CCDC91: variants seen among roughly 807,000 people sequenced by gnomAD.
CCDC91 encodes coiled-coil domain containing 91, also known as coiled-coil domain-containing protein 91.
In CCDC91, 48 loss-of-function variants were observed where a neutral mutation model predicts 63.2. The observed-to-expected ratio is 0.76, with a 90% CI of 0.60 to 0.97. CCDC91 has a LOEUF of 0.97. CCDC91 is among the 50% of genes least tolerant of loss of function. CCDC91 has a pLI of 0.00. For synonymous variants in CCDC91, 167 were observed against 165.8 expected, an observed-to-expected ratio of 1.01 and a Z score of -0.06; for missense variants, 500 against 494.6, an observed-to-expected ratio of 1.01 and a Z score of -0.10.
chr12:28,222,718 T>C (rs1944028113), intron 1 of CCDC91, among the ~76,000 whole-genome samples: 1 of 152,214 alleles, frequency 6.6e-6, no homozygotes, highest in Admixed American at 6.5e-5. Flanking sequence ...TCTAATTTGG[T>C]CATTTTTTAA....
chr12:28,470,409 G>T (rs1369769296), intron 11 of CCDC91, among the ~76,000 whole-genome samples: 1 of 152,054 alleles, frequency 6.6e-6, no homozygotes. Context: ...AGTTAAAATG[G>T]CTTGTATCCA....
At chr12:28,198,665 CTTG>C in intron 1 of CCDC91, among the ~76,000 whole-genome samples, 1 of 152,216 alleles carries the variant, frequency 6.6e-6, no homozygotes. Context: ...AGTTTTATCT[CTTG>C]TTGGTTATGC....
At chr12:28,334,863 G>A (rs183922838) in intron 6 of CCDC91, among the ~76,000 whole-genome samples, 34 of 151,822 alleles carry the variant, frequency 2.2e-4, no homozygotes, top group Admixed American at 1.2e-3. Context: ...ATTAGCATAT[G>A]CCCTAGAGTG....
At chr12:28,200,841 G>T (rs993243024) in intron 1 of CCDC91, among the ~76,000 whole-genome samples, 2 of 151,802 alleles carry the variant, frequency 1.3e-5, no homozygotes, top group Non-Finnish European at 2.9e-5. Flanking sequence ...TCACTTCCCA[G>T]TAGGGGCGGC....
chr12:28,274,818 T>C (rs1380856574), intron 3 of CCDC91, among the ~76,000 whole-genome samples: 2 of 152,130 alleles, frequency 1.3e-5, no homozygotes, highest in East Asian at 1.9e-4. Flanking sequence ...CTTTTCCTAA[T>C]TGAATCCCCT....
chr12:28,467,977 G>C (rs1170441828), intron 11 of CCDC91, among the ~76,000 whole-genome samples: 1 of 151,802 alleles, frequency 6.6e-6, no homozygotes, highest in African/African-American at 2.4e-5. Flanking sequence ...ATAGCTATAA[G>C]TGCCTACATC....
chr12:28,311,671 T>C (rs1174960532), intron 6 of CCDC91, among the ~76,000 whole-genome samples: 1 of 152,108 alleles, frequency 6.6e-6, no homozygotes, highest in East Asian at 1.9e-4. Flanking sequence ...CATTGTTTAC[T>C]GTTGATTAAA....
At chr12:28,506,327 C>T (rs1174734745) in intron 12 of CCDC91, among the ~76,000 whole-genome samples, 1 of 151,862 alleles carries the variant, frequency 6.6e-6, no homozygotes, top group Non-Finnish European at 1.5e-5. Context: ...CTGGCCAGGG[C>T]ACCATTACTA....
chr12:28,385,165 G>T (rs1406880281), intron 7 of CCDC91, among the ~76,000 whole-genome samples: 2 of 152,084 alleles, frequency 1.3e-5, no homozygotes, highest in African/African-American at 2.4e-5. Flanking sequence ...GAAAAAAGAT[G>T]TTTAAATAAT....
intron 12 of CCDC91, among the ~76,000 whole-genome samples, chr12:28,532,227 G>A (rs1190407985): frequency 6.6e-6 from 1 of 151,988 alleles, no homozygotes; most frequent in Non-Finnish European, 1.5e-5. Context: ...AAAGGTGATG[G>A]CCCACAAGGA....
chr12:28,300,688 CATTA>C (rs1937971246), intron 3 of CCDC91, among the ~76,000 whole-genome samples: 1 of 151,470 alleles, frequency 6.6e-6, no homozygotes, highest in Non-Finnish European at 1.5e-5. Context: ...TAAGCCTATA[CATTA>C]ATTAAGAGAG....
At chr12:28,289,632 C>T (rs765715425) in intron 3 of CCDC91, among the ~76,000 whole-genome samples, 2 of 150,184 alleles carry the variant, frequency 1.3e-5, no homozygotes, top group Non-Finnish European at 3.0e-5. Flanking sequence ...TGCCCTGTAG[C>T]GATGAGAAGA....
At chr12:28,503,877 T>G (rs1312640768) in intron 12 of CCDC91, among the ~76,000 whole-genome samples, 1 of 151,816 alleles carries the variant, frequency 6.6e-6, no homozygotes, top group Non-Finnish European at 1.5e-5. Context: ...TAGGTAGGAA[T>G]TGAACAATGA....
At chr12:28,199,601 G>A (rs1942054051) in intron 1 of CCDC91, among the ~76,000 whole-genome samples, 1 of 152,172 alleles carries the variant, frequency 6.6e-6, no homozygotes, top group African/African-American at 2.4e-5. Context: ...CAGCCTGAGA[G>A]ACCCAGGTTA....
At position 28,305,763 on chromosome 12, in the gene CCDC91, A is replaced by C; in HGVS notation, c.224A>C (p.His75Pro). 3 of 1,613,198 alleles carry C rather than the reference A, an allele frequency of 1.9e-6. No individual in the cohort carries two copies. Among genetic ancestry groups the C allele is most frequent in the East Asian group, 2.2e-5 (1 of 44,824 alleles). The change falls in exon 4 of 13, where the codon CAT becomes CCT. Residue 75 changes from histidine to proline, a missense_variant. Coordinates refer to ENST00000536442, the MANE Select transcript of CCDC91 (RefSeq NM_018318.5). ...ATTATTTCATCACCAGAGAATACAC[A>C]TGCAGCAAATAGCATTGTGAGTCAA... Reference protein sequence around the residue: ...DAIISSPENTHAANSIVSQTI... With the variant: ...DAIISSPENTPAANSIVSQTI...
chr12:28,491,016 C>T lies in CCDC91; in HGVS notation c.1215+6851C>T, dbSNP rs538078767. 3.3e-5 allele frequency among the ~76,000 whole-genome samples: 5 copies of T among 151,668 alleles called. No individual in the cohort carries two copies. The South Asian group carries it at 6.2e-4, about 19-fold the overall frequency. On this transcript the variant is annotated intron_variant, in intron 12 of 12. Transcript: ENST00000536442. ...TTCCTGTAGCAAGGAATATAAAATA[C>T]GTTTTAACTTAAAATCAAAATGTAA...
At chr12:28,350,727 C>T (rs1040860774) in intron 6 of CCDC91, among the ~76,000 whole-genome samples, 1 of 152,184 alleles carries the variant, frequency 6.6e-6, no homozygotes, top group African/African-American at 2.4e-5. Context: ...GAAACTCTTT[C>T]CTGTTCTCCT....
At chr12:28,540,803 T>A (rs1942574359) in intron 12 of CCDC91, among the ~76,000 whole-genome samples, 1 of 152,148 alleles carries the variant, frequency 6.6e-6, no homozygotes, top group Non-Finnish European at 1.5e-5. Flanking sequence ...CTCACTCTCA[T>A]GGTGCACTCT....
In CCDC91 at chr12:28,268,727, G is replaced by A. The variant is rs1256011164; in HGVS notation, c.109+9285G>A. 4.4e-6 allele frequency: 4 copies of A among 907,856 alleles called. No individual in the cohort carries two copies. In the South Asian group the frequency reaches 2.0e-4, roughly 46 times the overall value. 56.2% of individuals were successfully genotyped at this position (907,856 alleles called of 1,614,324 possible). Reference sequence around the variant, plus strand: ...TCATCCTGTTTACTCAGTAGGGATGGCATGGGGAAGGGAGGAGGGAGTAGA... The same window carrying A: ...TCATCCTGTTTACTCAGTAGGGATGACATGGGGAAGGGAGGAGGGAGTAGA... On this transcript the variant is annotated intron_variant, in intron 3 of 12. Transcript: ENST00000536442.
Sources: gnomAD v4.1 joint callset for allele counts (sites outside exome capture counted in the v4.1 genomes callset) on GRCh38, gnomAD v4.1.1 for gene constraint, MANE v1.5 for transcripts, NCBI Gene and HGNC (gene_info 2026-07-23, HGNC 2026-07-21) for gene names.